HIVEP1: variants seen among roughly 807,000 people sequenced by gnomAD.
The protein encoded by HIVEP1 is HIVEP zinc finger 1, also known as zinc finger protein 40.
HIVEP1 carries 36 observed loss-of-function variants against 180.0 expected under a neutral mutation model. The ratio of observed to expected loss-of-function variants is 0.20; its 90% CI spans 0.15 to 0.26. The LOEUF is 0.26. Ranked by LOEUF, HIVEP1 falls within the 10% of genes least tolerant of loss-of-function variation. The pLI is 1.00. For synonymous variants in HIVEP1, 1,239 were observed against 1,239.0 expected, an observed-to-expected ratio of 1.00 and a Z score of 0.00; for missense variants, 3,143 against 3,268.7, an observed-to-expected ratio of 0.96 and a Z score of 0.94.
intron 7 of HIVEP1, among the ~76,000 whole-genome samples, chr6:12,143,306 G>T (rs1435616331): frequency 6.6e-6 from 1 of 152,174 alleles, no homozygotes; most frequent in Non-Finnish European, 1.5e-5. Flanking sequence ...CTCAATAGAT[G>T]CAGAAAAGGC....
intron 2 of HIVEP1, among the ~76,000 whole-genome samples, chr6:12,043,024 C>G (rs969273847): frequency 6.6e-6 from 1 of 152,158 alleles, no homozygotes; most frequent in Non-Finnish European, 1.5e-5. Flanking sequence ...AATCTTTTCT[C>G]GCAGAATTGC....
Position 12,164,290 on chromosome 6 carries a change from A to G in HIVEP1, c.7986A>G (p.Gln2662=), listed in dbSNP as rs1245053050. The G allele has an allele frequency of 6.2e-7, 1 of 1,613,790 alleles. No individual in the cohort carries two copies. The highest frequency in any genetic ancestry group is 8.5e-7 in the Non-Finnish European group (1 of 1,179,956). ...AGGGCCAACCAGCGTCCACGTCACA[A>G]CCTCTGCTGAAGGCACATTCTGAAG... ...SIQGQPASTS[Q]PLLKAHSEVF... Residue 2662 remains glutamine (Q), a synonymous_variant, in exon 9 of 9, where the codon CAA becomes CAG. Coordinates refer to ENST00000379388, the MANE Select transcript of HIVEP1 (RefSeq NM_002114.4).
At chr6:12,068,153 C>T (rs978113169) in intron 2 of HIVEP1, among the ~76,000 whole-genome samples, 27 of 152,084 alleles carry the variant, frequency 1.8e-4, no homozygotes, top group Non-Finnish European at 2.9e-5. Context: ...TACAGTGGCA[C>T]GATCTTGGCT....
chr6:12,167,055 ATTAT>A (rs79272322), downstream of HIVEP1, among the ~76,000 whole-genome samples: 29,299 of 152,036 alleles, frequency 0.19, 3,592 homozygotes, highest in East Asian at 0.46. Flanking sequence ...CAAAATGATA[ATTAT>A]TTCTTTCGAA....
chr6:12,013,351 C>G (rs1767515216), intron 1 of HIVEP1, among the ~76,000 whole-genome samples: 1 of 152,192 alleles, frequency 6.6e-6, no homozygotes, highest in African/African-American at 2.4e-5. Context: ...TGTTTTTGCT[C>G]CATGTAGTAT....
At chr6:12,045,500 C>T (rs2113697133) in intron 2 of HIVEP1, among the ~76,000 whole-genome samples, 1 of 152,350 alleles carries the variant, frequency 6.6e-6, no homozygotes, top group South Asian at 2.1e-4. Context: ...GACCACTGTG[C>T]TGCCAGCTTT....
intron 2 of HIVEP1, among the ~76,000 whole-genome samples, chr6:12,059,131 A>G (rs111958414): frequency 1.1e-4 from 17 of 152,186 alleles, no homozygotes; most frequent in East Asian, 7.7e-4. Flanking sequence ...GGCTATTTCA[A>G]TTGGAATTAT....
At chr6:12,205,650 C>T in the HIVEP1 span, among the ~76,000 whole-genome samples, 1 of 152,088 alleles carries the variant, frequency 6.6e-6, no homozygotes, top group Admixed American at 6.6e-5. Flanking sequence ...ACAACCATAC[C>T]TACCCCTTGA....
At chr6:12,021,268 G>A (rs766698731) in intron 2 of HIVEP1, among the ~76,000 whole-genome samples, 38 of 152,260 alleles carry the variant, frequency 2.5e-4, no homozygotes, top group Middle Eastern at 3.4e-3. Context: ...CGCTTTCCAC[G>A]GTTGGCCTTC....
chr6:12,099,360 G>T (rs901127254), intron 3 of HIVEP1, among the ~76,000 whole-genome samples: 1 of 151,936 alleles, frequency 6.6e-6, no homozygotes, highest in Non-Finnish European at 1.5e-5. Flanking sequence ...TAGAGACGGG[G>T]TTTCACCGTT....
At chr6:12,134,846 A>G (rs1758618875) in intron 6 of HIVEP1, among the ~76,000 whole-genome samples, 1 of 152,236 alleles carries the variant, frequency 6.6e-6, no homozygotes, top group Admixed American at 6.5e-5. Flanking sequence ...CTTTACTGGT[A>G]CTATTTTGAG....
chr6:12,119,900 G>A lies in HIVEP1; in HGVS notation c.105G>A (p.Gln35=). The change falls in exon 4 of 9, where the codon CAG becomes CAA. Residue 35 remains glutamine (Q), a synonymous_variant. Coordinates refer to ENST00000379388, the MANE Select transcript of HIVEP1 (RefSeq NM_002114.4). ...GAEVSKKEIL[Q]AGVKGTSESL... ...TGTTGTTTTTTCCAGAAATCTTACA[G>A]GCTGGTGTTAAAGGAACTTCGGAAT... 6.4e-7 allele frequency: 1 copy of A among 1,556,396 alleles called. No homozygotes were observed. Among genetic ancestry groups the A allele is most frequent in the Non-Finnish European group, 8.6e-7 (1 of 1,157,324 alleles).
chr6:12,101,232 A>G (rs1698070952), intron 3 of HIVEP1, among the ~76,000 whole-genome samples: 3 of 152,186 alleles, frequency 2.0e-5, no homozygotes, highest in South Asian at 2.1e-4. Flanking sequence ...AGTACTTGTC[A>G]GGAGTCAGGC....
At chr6:12,016,075 C>T (rs1767723274) in intron 2 of HIVEP1, among the ~76,000 whole-genome samples, 1 of 152,004 alleles carries the variant, frequency 6.6e-6, no homozygotes, top group Admixed American at 6.6e-5. Flanking sequence ...TTTTGTACCA[C>T]TCCATCAGTT....
At chr6:12,013,390 A>C (rs908487534) in intron 1 of HIVEP1, among the ~76,000 whole-genome samples, 2 of 152,150 alleles carry the variant, frequency 1.3e-5, no homozygotes, top group Non-Finnish European at 2.9e-5. Flanking sequence ...GGAACGGTTT[A>C]TCACTCGTCC....
At chr6:12,114,373 T>C (rs575197912) in intron 3 of HIVEP1, among the ~76,000 whole-genome samples, 2 of 152,354 alleles carry the variant, frequency 1.3e-5, no homozygotes, top group Non-Finnish European at 2.9e-5. Context: ...TAAAAGTTTC[T>C]AAACCCCCAC....
chr6:12,096,270 A>G (rs1185790027), intron 3 of HIVEP1, among the ~76,000 whole-genome samples: 1 of 152,076 alleles, frequency 6.6e-6, no homozygotes, highest in Non-Finnish European at 1.5e-5. Flanking sequence ...TATAGTAAGG[A>G]AAACTGTTCT....
chr6:12,065,669 T>TTGTG lies in HIVEP1; in HGVS notation c.41-23496_41-23493dup, dbSNP rs68050049. ...AGGGTGGTCTCCTCCCAGGTAGGTT[T>TTGTG]TGTGTGTGTGTGTGTGTGTGTGCGT... On this transcript the variant is annotated intron_variant, in intron 2 of 8. Transcript: ENST00000379388. Among the ~76,000 whole-genome samples the TTGTG allele has an allele frequency of 2.6e-3, 377 of 143,316 alleles. 2 individuals carry two copies. The highest frequency in any genetic ancestry group is 4.0e-3 in the Non-Finnish European group (258 of 64,846). 94.0% of individuals were successfully genotyped at this position (143,316 alleles called of 152,430 possible). A position where few individuals can be genotyped will look rare whatever the true frequency, so the allele number is the denominator to read the frequency against.
chr6:12,168,406 A>AATATTTT, downstream of HIVEP1, among the ~76,000 whole-genome samples: 2 of 140,678 alleles, frequency 1.4e-5, no homozygotes, highest in East Asian at 2.0e-4. Context: ...TATTTTATAT[A>AATATTTT]ATATATTTTA....
Sources: allele counts gnomAD v4.1 joint callset (sites outside exome capture counted in the v4.1 genomes callset), GRCh38; gene constraint gnomAD v4.1.1; transcripts MANE v1.5; gene names NCBI Gene and HGNC (gene_info 2026-07-23, HGNC 2026-07-21).